IDE: variants seen among roughly 807,000 people sequenced by gnomAD.
IDE encodes insulin-degrading enzyme.
Under a neutral mutation model 133.2 loss-of-function variants are expected in IDE, and 58 were observed. The ratio of observed to expected loss-of-function variants is 0.44; its 90% CI spans 0.35 to 0.54. IDE has a LOEUF of 0.54. Ranked by LOEUF, IDE falls within the 20% of genes least tolerant of loss-of-function variation. The probability of loss-of-function intolerance (pLI) is 0.00; values close to 1 mark genes in which losing one functional copy is unlikely to be tolerated. For missense variants in IDE, 981 were observed against 1,234.0 expected (o/e 0.79, Z 3.07); for synonymous variants, 396 against 421.3 (o/e 0.94, Z 0.73).
chr10:92,542,137 T>A (rs1842336997), intron 1 of IDE, among the ~76,000 whole-genome samples: 1 of 152,206 alleles, frequency 6.6e-6, no homozygotes, highest in South Asian at 2.1e-4. Flanking sequence ...CCTAGACTAG[T>A]GATGAAGTCA....
intron 2 of IDE, among the ~76,000 whole-genome samples, chr10:92,536,449 TG>T (rs1229410725): frequency 7.1e-5 from 9 of 126,698 alleles, no homozygotes; most frequent in Non-Finnish European, 1.3e-4. Flanking sequence ...CTGTAATCCC[TG>T]CACTTTGGGA....
At chr10:92,519,276 A>G (rs1477566647) in intron 4 of IDE, among the ~76,000 whole-genome samples, 1 of 152,248 alleles carries the variant, frequency 6.6e-6, no homozygotes, top group African/African-American at 2.4e-5. Context: ...ATGGAGAACA[A>G]CGTGAATAAG....
intron 11 of IDE, among the ~76,000 whole-genome samples, chr10:92,500,422 G>A (rs574115370): frequency 1.3e-5 from 2 of 152,150 alleles, no homozygotes; most frequent in South Asian, 4.1e-4. Context: ...CAACATGGAT[G>A]AACCTTGAAG....
At chr10:92,465,887 TG>T (rs750302921) in intron 19 of IDE, 44 bp from the exon 20 acceptor site, 1 of 1,570,704 alleles carries the variant, frequency 6.4e-7, no homozygotes, top group Non-Finnish European at 8.8e-7. Flanking sequence ...AAAACTTATT[TG>T]GGGTTTAATA....
chr10:92,508,274 T>A (rs1848401865), intron 7 of IDE, 69 bp from the exon 8 acceptor site: 2 of 1,150,644 alleles, frequency 1.7e-6, no homozygotes, highest in East Asian at 2.3e-5. Flanking sequence ...AGAAAAATTT[T>A]AAAAATTCAT....
chr10:92,480,280 A>G (rs1846526873), intron 14 of IDE, among the ~76,000 whole-genome samples: 1 of 152,220 alleles, frequency 6.6e-6, no homozygotes, highest in African/African-American at 2.4e-5. Flanking sequence ...CATTCAACAA[A>G]TATGTATTAT....
intron 4 of IDE, among the ~76,000 whole-genome samples, chr10:92,522,645 C>G (rs1005721888): frequency 6.6e-5 from 10 of 152,150 alleles, no homozygotes; most frequent in Admixed American, 2.0e-4. Context: ...CTGGGCAACA[C>G]TAAAACATGC....
rs921379221 is a variant in IDE, at chr10:92,534,504, G to C, written c.491+74C>G. The stretch of plus-strand genomic sequence containing the variant: ...TTTGTTAAATTATGAAGCCATCTCT[G>C]TGGAAATAATAATTATTATTATTAA... On this transcript the variant is annotated intron_variant, in intron 3 of 24. Transcript: ENST00000265986. The C allele has an allele frequency of 7.9e-6, 7 of 886,454 alleles. No homozygotes were observed. The African/African-American group carries it at 1.0e-4, about 13-fold the overall frequency. 54.9% of individuals were successfully genotyped at this position (886,454 alleles called of 1,614,324 possible).
At chr10:92,491,188 G>A (rs1019299610) in intron 11 of IDE, among the ~76,000 whole-genome samples, 4 of 151,046 alleles carry the variant, frequency 2.6e-5, no homozygotes, top group African/African-American at 9.8e-5. Flanking sequence ...CAGTAGGCTA[G>A]AATCACACCA....
At chr10:92,504,054 A>G (rs1316623347) in intron 11 of IDE, among the ~76,000 whole-genome samples, 1 of 151,882 alleles carries the variant, frequency 6.6e-6, no homozygotes, top group African/African-American at 2.4e-5. Context: ...AAGTTCTATC[A>G]CATTGTTGAT....
At chr10:92,491,722 G>A (rs1335866339) in intron 11 of IDE, among the ~76,000 whole-genome samples, 5 of 150,278 alleles carry the variant, frequency 3.3e-5, no homozygotes, top group East Asian at 2.0e-4. Flanking sequence ...GCAATTCTCC[G>A]GCCTCAGCCT....
At chr10:92,473,381 T>C (rs1846081004) in intron 17 of IDE, among the ~76,000 whole-genome samples, 1 of 151,810 alleles carries the variant, frequency 6.6e-6, no homozygotes, top group Admixed American at 6.6e-5. Flanking sequence ...ATCCTGAAAG[T>C]AATTTCTTTA....
At chr10:92,505,004 T>C in intron 10 of IDE, 107 bp from the exon 11 acceptor site, 1 of 566,530 alleles carries the variant, frequency 1.8e-6, no homozygotes, top group Non-Finnish European at 3.0e-6. Flanking sequence ...CCTTTCTCTC[T>C]TCAGTTAAAT....
intron 1 of IDE, among the ~76,000 whole-genome samples, chr10:92,539,744 C>T (rs1842204497): frequency 1.3e-5 from 2 of 151,544 alleles, no homozygotes; most frequent in Admixed American, 6.6e-5. Flanking sequence ...AGCCTGGCGA[C>T]AGAGTGAGAT....
intron 1 of IDE, among the ~76,000 whole-genome samples, chr10:92,564,712 T>TAAAAAAAAAA (rs1843445355): frequency 5.1e-5 from 3 of 59,044 alleles, no homozygotes; most frequent in Non-Finnish European, 1.1e-4. Context: ...AAAAAAAAAC[T>TAAAAAAAAAA]GAAACTGTAC....
intron 1 of IDE, among the ~76,000 whole-genome samples, chr10:92,552,677 G>A (rs1442346621): frequency 6.6e-6 from 1 of 151,564 alleles, no homozygotes; most frequent in East Asian, 1.9e-4. Flanking sequence ...TGGCTAACAT[G>A]GTGAACTCCC....
At chr10:92,548,464 TCA>T (rs1842632974) in intron 1 of IDE, among the ~76,000 whole-genome samples, 1 of 151,124 alleles carries the variant, frequency 6.6e-6, no homozygotes, top group Non-Finnish European at 1.5e-5. Flanking sequence ...AGACAACCTT[TCA>T]CAGAGTTTCT....
chr10:92,489,207 GA>G (rs1427379941), intron 12 of IDE, among the ~76,000 whole-genome samples: 1 of 152,120 alleles, frequency 6.6e-6, no homozygotes, highest in Non-Finnish European at 1.5e-5. Flanking sequence ...TAGGGACTAG[GA>G]AACACTTAGT....
At chr10:92,538,469 A>T (rs914397703) in intron 1 of IDE, among the ~76,000 whole-genome samples, 3 of 152,254 alleles carry the variant, frequency 2.0e-5, no homozygotes, top group Admixed American at 2.0e-4. Flanking sequence ...ACAAACAAAC[A>T]AAAAGTTGGA....
Sources: allele counts gnomAD v4.1 joint callset (sites outside exome capture counted in the v4.1 genomes callset), GRCh38; gene constraint gnomAD v4.1.1; transcripts MANE v1.5; gene names NCBI Gene and HGNC (gene_info 2026-07-23, HGNC 2026-07-21).